Variants in IKBIP observed in about 807,000 individuals in gnomAD.
IKBIP encodes IKBKB interacting protein.
Under a neutral mutation model 31.0 loss-of-function variants are expected in IKBIP, and 28 were observed. That is an observed-to-expected ratio of 0.90 (90% confidence interval 0.67 to 1.24). The LOEUF is 1.24. Among genes scored for constraint, IKBIP ranks in the 50% most tolerant of loss-of-function variants. The pLI, the probability that IKBIP is intolerant of heterozygous loss-of-function variation, is 0.00. For missense variants in IKBIP, 453 were observed against 441.9 expected (o/e 1.03, Z -0.23); for synonymous variants, 164 against 160.3 (o/e 1.02, Z -0.17).
intron 2 of IKBIP, among the ~76,000 whole-genome samples, chr12:98,632,487 A>G (rs1279579363): frequency 7.7e-5 from 3 of 38,826 alleles, no homozygotes; most frequent in African/African-American, 3.4e-4. Context: ...CTATCTGAAA[A>G]AAAAAAAAAA....
chr12:98,620,799 G>A (rs145463935), downstream of IKBIP, among the ~76,000 whole-genome samples: 476 of 152,154 alleles, frequency 3.1e-3, 4 homozygotes, highest in African/African-American at 0.011. Flanking sequence ...ATCCGTTGAG[G>A]TCAGGAGTTT....
At chr12:98,614,099 C>T (rs751919190) in exon 3 of IKBIP, 25 of 1,612,918 alleles carry the variant, frequency 1.5e-5, no homozygotes, top group Non-Finnish European at 1.9e-5. Context: ...TGAAATCCGT[C>T]GTATATCTGT....
At chr12:98,614,179 G>C in exon 3 of IKBIP, 1 of 1,613,944 alleles carries the variant, frequency 6.2e-7, no homozygotes, top group Non-Finnish European at 8.5e-7. Context: ...CTTTTGTAAT[G>C]TCTTGAGAAA....
rs1193608708 is a variant in IKBIP, at chr12:98,626,209, T to C, written c.855A>G (p.Arg285=). 1 of 1,614,060 alleles carries C rather than the reference T, an allele frequency of 6.2e-7. No individual in the cohort carries two copies. Among genetic ancestry groups the C allele is most frequent in the Non-Finnish European group, 8.5e-7 (1 of 1,179,918 alleles). The change falls in exon 3 of 3, where the codon AGA becomes AGG. Residue 285 remains arginine, a synonymous_variant. Transcript: ENST00000299157. ...TIESAIHSVL[R]VSQDLIETEK... is the part of the protein sequence containing the mutation. ...CTGTTTCTATCAGATCCTGAGAGAC[T>C]CTGAGAACAGAGTGAATAGCACTTT...
intron 1 of IKBIP, among the ~76,000 whole-genome samples, chr12:98,644,297 T>G (rs1295910600): frequency 2.0e-5 from 3 of 152,264 alleles, no homozygotes; most frequent in South Asian, 4.1e-4. Context: ...CAACTCCTTC[T>G]GAGCGATAGG....
downstream of IKBIP, among the ~76,000 whole-genome samples, chr12:98,623,591 G>T (rs2097611790): frequency 7.8e-6 from 1 of 127,830 alleles, no homozygotes; most frequent in Non-Finnish European, 1.6e-5. Flanking sequence ...TTTTTGTAGG[G>T]ACGAGGTCTC....
chr12:98,644,441 C>G, intron 1 of IKBIP, 82 bp downstream of exon 1: 1 of 1,387,090 alleles, frequency 7.2e-7, no homozygotes, highest in Non-Finnish European at 9.7e-7. Context: ...GGATCACCTC[C>G]GGCTGGATGT....
chr12:98,641,193 T>C (rs2097630088), intron 1 of IKBIP, among the ~76,000 whole-genome samples: 1 of 152,334 alleles, frequency 6.6e-6, no homozygotes, highest in East Asian at 1.9e-4. Context: ...CTTGAAATCC[T>C]TCTTGGGCAG....
Position 98,625,915 on chromosome 12 carries a change from A to G in IKBIP, c.*15T>C. On this transcript the variant is annotated 3_prime_UTR_variant, in exon 3 of 3. Transcript: ENST00000299157. ...ATGTATAATGATATGGTTCATCAGA[A>G]TAAATGTCATGAATTTAAAAATCAC... 1 of 1,398,506 alleles carries G rather than the reference A, an allele frequency of 7.2e-7. No individual in the cohort carries two copies. The highest frequency in any genetic ancestry group is 9.5e-7 in the Non-Finnish European group (1 of 1,055,572). 86.6% of individuals were successfully genotyped at this position (1,398,506 alleles called of 1,614,324 possible).
Position 98,625,651 on chromosome 12 carries a change from T to A in IKBIP, c.*279A>T. 5.4e-6 allele frequency: 1 copy of A among 186,118 alleles called. No homozygotes were observed. The highest frequency in any genetic ancestry group is 1.1e-5 in the Non-Finnish European group (1 of 91,292). The allele number at this position is 186,118 out of a possible 1,614,324, so 11.5% of individuals were successfully genotyped here. On this transcript the variant is annotated 3_prime_UTR_variant, in exon 3 of 3. Coordinates refer to ENST00000299157, the MANE Select transcript of IKBIP (RefSeq NM_153687.4). ...ATAATAGGTGAAATTAATGATGATG[T>A]TCATTAATGCTTTAAAAAACATTAA...
At chr12:98,627,087 G>T (rs1431430490) in intron 2 of IKBIP, among the ~76,000 whole-genome samples, 1 of 151,960 alleles carries the variant, frequency 6.6e-6, no homozygotes, top group African/African-American at 2.4e-5. Context: ...TCTTGCCTCA[G>T]CTTCCTGAGT....
At chr12:98,643,246 C>T (rs2097632340) in intron 1 of IKBIP, among the ~76,000 whole-genome samples, 1 of 152,184 alleles carries the variant, frequency 6.6e-6, no homozygotes, top group African/African-American at 2.4e-5. Flanking sequence ...CCACCGCGCC[C>T]AGCCGTAACA....
intron 2 of IKBIP, among the ~76,000 whole-genome samples, chr12:98,628,920 A>C (rs1468065545): frequency 6.6e-6 from 1 of 152,208 alleles, no homozygotes; most frequent in Non-Finnish European, 1.5e-5. Flanking sequence ...GTAGCGTCAC[A>C]AAAGAATTAG....
intron 2 of IKBIP, among the ~76,000 whole-genome samples, chr12:98,616,981 A>G (rs954060647): frequency 2.0e-5 from 3 of 152,218 alleles, no homozygotes; most frequent in Non-Finnish European, 4.4e-5. Context: ...GCAACTGCAA[A>G]TAAGTTATAG....
Position 98,626,363 on chromosome 12 carries a change from T to A in IKBIP, c.701A>T (p.Asp234Val). 1 of 1,614,104 alleles carries A rather than the reference T, an allele frequency of 6.2e-7. No individual in the cohort carries two copies. The highest frequency in any genetic ancestry group is 8.5e-7 in the Non-Finnish European group (1 of 1,180,028). Reference protein sequence around the residue: ...LLRVEEQLGSDTKAIEKLEEE... With the variant: ...LLRVEEQLGSVTKAIEKLEEE... Reference sequence around the variant, plus strand: ...TTCTAACTTTTCAATTGCCTTTGTATCAGAGCCTAGCTGCTCCTCTACTCG... The same window carrying A: ...TTCTAACTTTTCAATTGCCTTTGTAACAGAGCCTAGCTGCTCCTCTACTCG... Residue 234 changes from aspartate to valine, a missense_variant, in exon 3 of 3, where the codon GAT becomes GTT. Transcript: ENST00000299157.
rs2097623744 is a variant in IKBIP, at chr12:98,634,293, T to TA, written c.297+2dup. ...CGTCCCAGATAAGCCAATTAATGAT[T>TA]ACCTTTTCTGAAATTAAACTGATTT... On this transcript the variant is annotated splice_region_variant and intron_variant, in intron 2 of 2. Transcript: ENST00000299157. 1 of 1,386,848 alleles carries TA rather than the reference T, an allele frequency of 7.2e-7. No homozygotes were observed. The highest frequency in any genetic ancestry group is 2.3e-5 in the East Asian group (1 of 43,708). The allele number at this position is 1,386,848 out of a possible 1,614,324, so 85.9% of individuals were successfully genotyped here.
chr12:98,635,571 G>T (rs1238260566), intron 1 of IKBIP, among the ~76,000 whole-genome samples: 2 of 152,164 alleles, frequency 1.3e-5, no homozygotes, highest in African/African-American at 4.8e-5. Flanking sequence ...AGGACAAAGT[G>T]AAAAATTTAG....
At chr12:98,633,510 C>CTTTTT (rs71432181) in intron 2 of IKBIP, among the ~76,000 whole-genome samples, 3,446 of 61,472 alleles carry the variant, frequency 0.056, 363 homozygotes, top group East Asian at 0.14. Context: ...TTTTTTAATT[C>CTTTTT]TTTTTTTTTT....
intron 2 of IKBIP, among the ~76,000 whole-genome samples, chr12:98,617,877 T>C (rs2153293948): frequency 6.6e-6 from 1 of 152,368 alleles, no homozygotes; most frequent in Middle Eastern, 3.4e-3. Context: ...CAGCTTGTTT[T>C]CTAGGAAAGT....
Sources: allele counts gnomAD v4.1 joint callset (sites outside exome capture counted in the v4.1 genomes callset), GRCh38; gene constraint gnomAD v4.1.1; transcripts MANE v1.5; gene names NCBI Gene and HGNC (gene_info 2026-07-23, HGNC 2026-07-21).